The following GABRA6 variants were observed in gnomAD, a reference collection of about 807,000 sequenced individuals.
GABRA6 encodes gamma-aminobutyric acid type A receptor subunit alpha6.
In GABRA6, 45 loss-of-function variants were observed where a neutral mutation model predicts 47.3. The ratio of observed to expected loss-of-function variants is 0.95; its 90% CI spans 0.75 to 1.22. GABRA6 has a LOEUF of 1.22. Ranked by LOEUF, GABRA6 falls within the 50% of genes most tolerant of loss-of-function variation. The pLI, the probability that GABRA6 is intolerant of heterozygous loss-of-function variation, is 0.00. For synonymous variants in GABRA6, 219 were observed against 194.7 expected, an observed-to-expected ratio of 1.12 and a Z score of -1.04; for missense variants, 583 against 549.3, an observed-to-expected ratio of 1.06 and a Z score of -0.61.
chr5:161,691,613 T>C (rs540110874), intron 7 of GABRA6, among the ~76,000 whole-genome samples: 1 of 152,138 alleles, frequency 6.6e-6, no homozygotes, highest in East Asian at 1.9e-4. Context: ...AGTTTTTTTT[T>C]CTTAAGTGGT....
chr5:161,689,424 A>G, intron 5 of GABRA6, 88 bp downstream of exon 5: 1 of 1,198,710 alleles, frequency 8.3e-7, no homozygotes, highest in Non-Finnish European at 1.2e-6. Context: ...ATCAAGGAAG[A>G]AATAGAATCA....
chr5:161,687,085 C>A, intron 3 of GABRA6, 82 bp downstream of exon 3: 2 of 1,125,706 alleles, frequency 1.8e-6, no homozygotes, highest in South Asian at 1.2e-5. Flanking sequence ...TGGGCATTGC[C>A]GCCAAGCTTG....
At chr5:161,697,675 A>G (rs890956023) in intron 8 of GABRA6, among the ~76,000 whole-genome samples, 1 of 152,178 alleles carries the variant, frequency 6.6e-6, no homozygotes, top group Admixed American at 6.5e-5. Flanking sequence ...CCCAGGACAC[A>G]GAGGATGGTC....
chr5:161,697,749 A>C lies in GABRA6; in HGVS notation c.1087-3749A>C, dbSNP rs111740010. The stretch of plus-strand genomic sequence containing the variant: ...GTTCTGAGCTTCAGACACTGTGCCC[A>C]AAACGCTAAAGCTGATAGGAAGAAT... On this transcript the variant is annotated intron_variant, in intron 8 of 8. Coordinates refer to ENST00000274545, the MANE Select transcript of GABRA6 (RefSeq NM_000811.3). 3.3e-5 allele frequency among the ~76,000 whole-genome samples: 5 copies of C among 152,324 alleles called. 1 individual carries two copies. Among genetic ancestry groups the C allele is most frequent in the African/African-American group, 1.2e-4 (5 of 41,586 alleles).
chr5:161,691,358 G>C (rs866303624), intron 7 of GABRA6, among the ~76,000 whole-genome samples: 2 of 146,472 alleles, frequency 1.4e-5, no homozygotes, highest in Admixed American at 1.4e-4. Context: ...TGCAGTGGCG[G>C]GATCTCGGCT....
Position 161,701,483 on chromosome 5 carries a change from G to C in GABRA6, c.1087-15G>C. ...ATTCTTTCATTTGGGCTTAATATTT[G>C]TCTTTTTTCCACAGCATCCTGACTC... is the stretch of plus-strand genomic sequence containing the variant. On this transcript the variant is annotated splice_polypyrimidine_tract_variant and intron_variant, in intron 8 of 8. Transcript: ENST00000274545. 1 of 1,613,560 alleles carries C rather than the reference G, an allele frequency of 6.2e-7. No homozygotes were observed. The highest frequency in any genetic ancestry group is 8.5e-7 in the Non-Finnish European group (1 of 1,179,778).
At chr5:161,691,547 GC>G (rs1279089071) in intron 7 of GABRA6, among the ~76,000 whole-genome samples, 1 of 151,624 alleles carries the variant, frequency 6.6e-6, no homozygotes, top group Non-Finnish European at 1.5e-5. Context: ...TGATCCGCCC[GC>G]CTCGGCCTCC....
In GABRA6 at chr5:161,686,833, A is replaced by T. The variant is rs1005050715; in HGVS notation, c.158-103A>T. On this transcript the variant is annotated intron_variant, in intron 2 of 8. Coordinates refer to ENST00000274545, the MANE Select transcript of GABRA6 (RefSeq NM_000811.3). The stretch of plus-strand genomic sequence containing the variant: ...ACTGGAATGCAATAGGACACATTGC[A>T]GATACTGGCTATGATAAGTAAGGGG... The T allele has an allele frequency of 1.3e-5, 12 of 957,520 alleles. No individual in the cohort carries two copies. In the East Asian group the frequency reaches 2.7e-4, roughly 21 times the overall value. 59.3% of individuals were successfully genotyped at this position (957,520 alleles called of 1,614,324 possible).
chr5:161,691,825 T>C, intron 7 of GABRA6, 116 bp from the exon 8 acceptor site: 1 of 829,406 alleles, frequency 1.2e-6, no homozygotes, highest in Non-Finnish European at 2.0e-6. Context: ...AAAATATTTT[T>C]AAAAATGACT....
intron 6 of GABRA6, 127 bp from the exon 7 acceptor site, chr5:161,690,074 T>G: frequency 3.3e-6 from 3 of 897,922 alleles, no homozygotes; most frequent in East Asian, 2.5e-5. Flanking sequence ...TCTCATATAC[T>G]GAAATGTACC....
Position 161,701,531 on chromosome 5 carries a change from A to G in GABRA6, c.1120A>G (p.Ile374Val), listed in dbSNP as rs1427824056. Residue 374 changes from isoleucine to valine, a missense_variant, in exon 9 of 9, where the codon ATC (isoleucine) becomes GTC (valine). By Grantham distance (29) the Ile-to-Val change is conservative. Transcript: ENST00000274545. ...CTCCAAATATCATCTGAAGAAAAGG[A>G]TCACTTCTCTGTCTTTGCCAATAGT... is the stretch of plus-strand genomic sequence containing the variant. ...PDSKYHLKKR[I>V]TSLSLPIVSS... The G allele has an allele frequency of 6.2e-7, 1 of 1,614,184 alleles. No homozygotes were observed. Among genetic ancestry groups the G allele is most frequent in the South Asian group, 1.1e-5 (1 of 91,084 alleles).
Position 161,689,316 on chromosome 5 carries a change from G to A in GABRA6, c.509G>A (p.Cys170Tyr). The change falls in exon 5 of 9, where the codon TGT (cysteine) becomes TAT (tyrosine). Residue 170 changes from cysteine (C) to tyrosine (Y), a missense_variant. By Grantham distance (194) the Cys-to-Tyr change is radical. Transcript: ENST00000274545. ...LVNFPMDGHA[C>Y]PLKFGSYAYP... ...AACTTTCCTATGGATGGGCATGCTT[G>A]TCCACTCAAGTTTGGGAGCTGTAAG... 1.2e-6 allele frequency: 2 copies of A among 1,613,970 alleles called. No homozygotes were observed. Among genetic ancestry groups the A allele is most frequent in the Non-Finnish European group, 1.7e-6 (2 of 1,179,898 alleles).
At chr5:161,690,138 T>C in intron 6 of GABRA6, 63 bp from the exon 7 acceptor site, 1 of 1,455,820 alleles carries the variant, frequency 6.9e-7, no homozygotes, top group Admixed American at 1.7e-5. Context: ...AGATTTATAT[T>C]CAACTGCATT....
In GABRA6 at chr5:161,689,102, C is replaced by G. The variant is rs1581121405; in HGVS notation, c.379C>G (p.His127Asp). Residue 127 changes from histidine (H) to aspartate (D), a missense_variant, in exon 4 of 9, where the codon CAC (histidine) becomes GAC (aspartate). Physicochemically the swap from His to Asp is moderately conservative, Grantham distance 81. Coordinates refer to ENST00000274545, the MANE Select transcript of GABRA6 (RefSeq NM_000811.3). ...CAGAAATGGTAAAAAGTCCATTGCT[C>G]ACAACATGACAACTCCTAATAAACT... Reference protein sequence around the residue: ...FFRNGKKSIAHNMTTPNKLFR... With the variant: ...FFRNGKKSIADNMTTPNKLFR... 6.2e-7 allele frequency: 1 copy of G among 1,614,010 alleles called. No individual in the cohort carries two copies. Among genetic ancestry groups the G allele is most frequent in the Non-Finnish European group, 8.5e-7 (1 of 1,179,958 alleles).
Sources: allele counts gnomAD v4.1 joint callset (sites outside exome capture counted in the v4.1 genomes callset), GRCh38; gene constraint gnomAD v4.1.1; transcripts MANE v1.5; gene names NCBI Gene and HGNC (gene_info 2026-07-23, HGNC 2026-07-21).